The following TSGA10 variants were observed in gnomAD, a reference collection of about 807,000 sequenced individuals.
TSGA10 encodes the protein testis-specific gene 10 protein.
Under a neutral mutation model 96.6 loss-of-function variants are expected in TSGA10, and 43 were observed. That is an observed-to-expected ratio of 0.44 (90% CI 0.35 to 0.57). The LOEUF is 0.57. Among genes scored for constraint, TSGA10 ranks in the 20% least tolerant of loss-of-function variants. TSGA10 has a pLI of 0.01. For missense variants in TSGA10, 703 were observed against 834.4 expected, an observed-to-expected ratio of 0.84 and a Z score of 1.94; for synonymous variants, 229 against 269.9, an observed-to-expected ratio of 0.85 and a Z score of 1.48.
intron 20 of TSGA10, among the ~76,000 whole-genome samples, chr2:99,017,228 G>A (rs1484547482): frequency 6.6e-6 from 1 of 152,142 alleles, no homozygotes; most frequent in African/African-American, 2.4e-5. Context: ...AGCATAATTT[G>A]CAATTGCAAA....
At chr2:99,138,403 C>T (rs1324905548) in intron 1 of TSGA10, among the ~76,000 whole-genome samples, 2 of 152,150 alleles carry the variant, frequency 1.3e-5, no homozygotes, top group Admixed American at 1.3e-4. Flanking sequence ...AATTCAAGAG[C>T]TCTAGGCTTT....
intron 1 of TSGA10, among the ~76,000 whole-genome samples, chr2:99,146,631 A>G (rs2093634811): frequency 1.3e-5 from 2 of 151,906 alleles, no homozygotes; most frequent in Non-Finnish European, 2.9e-5. Context: ...TTTGCACTCC[A>G]CTTTTTTTTC....
intron 7 of TSGA10, among the ~76,000 whole-genome samples, chr2:99,106,770 C>T (rs1215469746): frequency 6.6e-6 from 1 of 152,140 alleles, no homozygotes. Context: ...ATTCCTTCCT[C>T]CCTTTTAACA....
At position 99,054,848 on chromosome 2, in the gene TSGA10, G is replaced by A. The variant is rs184024046; in HGVS notation, c.1404+10091C>T. Among the ~76,000 whole-genome samples, 6 of 152,222 alleles carry A rather than the reference G, an allele frequency of 3.9e-5. No homozygotes were observed. The East Asian group carries it at 9.6e-4, about 24-fold the overall frequency. On this transcript the variant is annotated intron_variant, in intron 16 of 20. Coordinates refer to ENST00000393483, the MANE Select transcript of TSGA10 (RefSeq NM_025244.4). ...TTGGAATGGCTATTACAAGAAAGAC[G>A]AAAGATAAATGTTGGTGAGGATATG...
chr2:99,051,970 C>T (rs1573875073), intron 16 of TSGA10, among the ~76,000 whole-genome samples: 1 of 151,964 alleles, frequency 6.6e-6, no homozygotes, highest in Non-Finnish European at 1.5e-5. Flanking sequence ...TTATGAGCTG[C>T]CGCTAAAGCA....
intron 1 of TSGA10, among the ~76,000 whole-genome samples, chr2:99,143,748 T>A (rs1417469896): frequency 6.6e-6 from 1 of 152,092 alleles, no homozygotes; most frequent in East Asian, 1.9e-4. Context: ...TGGGATTATA[T>A]GCATGAGCCA....
At chr2:99,129,022 T>C (rs1182973622) in intron 1 of TSGA10, among the ~76,000 whole-genome samples, 1 of 152,206 alleles carries the variant, frequency 6.6e-6, no homozygotes, top group Non-Finnish European at 1.5e-5. Flanking sequence ...ATTACAGGCA[T>C]GAGCCACTGC....
intron 10 of TSGA10, among the ~76,000 whole-genome samples, chr2:99,088,970 A>T (rs780997132): frequency 1.3e-5 from 2 of 152,222 alleles, no homozygotes; most frequent in African/African-American, 2.4e-5. Flanking sequence ...TTTTGCTTCA[A>T]GAACTACAGA....
chr2:99,102,095 G>C (rs947449995), intron 10 of TSGA10: 1 of 1,478,552 alleles, frequency 6.8e-7, no homozygotes, highest in African/African-American at 1.4e-5. Context: ...AGAAAGAAAA[G>C]TTAATAAAGC....
chr2:99,106,485 C>T (rs1020945469), intron 7 of TSGA10, among the ~76,000 whole-genome samples: 2 of 151,990 alleles, frequency 1.3e-5, no homozygotes, highest in African/African-American at 4.8e-5. Flanking sequence ...GCTCCCTTAT[C>T]TTGAAAACCT....
chr2:99,152,200 T>C (rs567024300), intron 1 of TSGA10, among the ~76,000 whole-genome samples: 3 of 152,330 alleles, frequency 2.0e-5, no homozygotes, highest in African/African-American at 4.8e-5. Flanking sequence ...CAGGAGATTA[T>C]ACAGTAATTA....
chr2:99,154,084 G>A (rs1323133661), intron 1 of TSGA10, among the ~76,000 whole-genome samples: 1 of 152,178 alleles, frequency 6.6e-6, no homozygotes. Context: ...GGCCTGAATT[G>A]AGATGCCCTA....
intron 1 of TSGA10, among the ~76,000 whole-genome samples, chr2:99,128,965 C>CT (rs1221650611): frequency 1.3e-5 from 2 of 152,170 alleles, no homozygotes; most frequent in African/African-American, 2.4e-5. Flanking sequence ...CCTGGCTGGT[C>CT]TTTAACTCCT....
intron 11 of TSGA10, 155 bp from the exon 12 acceptor site, chr2:99,078,968 T>G: frequency 3.4e-6 from 2 of 585,102 alleles, no homozygotes; most frequent in Non-Finnish European, 5.3e-6. Context: ...TAAAAAAATT[T>G]TTTTGGTTAA....
intron 2 of TSGA10, among the ~76,000 whole-genome samples, chr2:99,123,907 C>A (rs926430631): frequency 6.6e-6 from 1 of 152,210 alleles, no homozygotes; most frequent in Non-Finnish European, 1.5e-5. Context: ...TTTTCTACCT[C>A]TTGGCTACTG....
At chr2:99,049,496 C>T (rs968350555) in intron 16 of TSGA10, among the ~76,000 whole-genome samples, 1 of 151,982 alleles carries the variant, frequency 6.6e-6, no homozygotes, top group Non-Finnish European at 1.5e-5. Flanking sequence ...AACCAAACAC[C>T]GCATGTTCTC....
chr2:99,147,529 TTG>T (rs1267771376), intron 1 of TSGA10: 1 of 1,594,576 alleles, frequency 6.3e-7, no homozygotes, highest in Non-Finnish European at 8.6e-7. Flanking sequence ...CCTATTATAC[TTG>T]GTTCCTCCTC....
At chr2:99,018,388 C>A (rs771006469) in intron 19 of TSGA10, 39 bp from the exon 20 acceptor site, 2 of 1,602,464 alleles carry the variant, frequency 1.2e-6, no homozygotes, top group South Asian at 1.1e-5. Context: ...TTATATCCAG[C>A]AAAATTATTA....
At chr2:99,149,513 G>C (rs1045678891) in intron 1 of TSGA10, among the ~76,000 whole-genome samples, 1 of 150,058 alleles carries the variant, frequency 6.7e-6, no homozygotes, top group Non-Finnish European at 1.5e-5. Flanking sequence ...CGCGATCTCG[G>C]CTCACTGCAA....
Sources: allele counts gnomAD v4.1 joint callset (sites outside exome capture counted in the v4.1 genomes callset), GRCh38; gene constraint gnomAD v4.1.1; transcripts MANE v1.5; gene names NCBI Gene and HGNC (gene_info 2026-07-23, HGNC 2026-07-21).